Variants in DGKK observed in about 807,000 individuals in gnomAD.
DGKK encodes the protein 142 kDa diacylglycerol kinase.
Under a neutral mutation model 92.2 loss-of-function variants are expected in DGKK, and 35 were observed. That is an observed-to-expected ratio of 0.38 (90% CI 0.29 to 0.50). The LOEUF is 0.50. Among genes scored for constraint, DGKK ranks in the 20% least tolerant of loss-of-function variants. The pLI, the probability that DGKK is intolerant of heterozygous loss-of-function variation, is 0.92. For missense variants in DGKK, 910 were observed against 992.2 expected (o/e 0.92, Z 1.11); for synonymous variants, 368 against 360.6 (o/e 1.02, Z -0.23).
At position 50,470,064 on chromosome X, in the gene DGKK, GGGCGAT is replaced by G. The variant is rs201010594; in HGVS notation, c.609_614del (p.Ser204_Pro205del). The G allele has an allele frequency of 0.017, 20,307 of 1,207,561 alleles. 800 individuals are homozygous for G. The African/African-American group carries it at 0.18, about 11-fold the overall frequency. On this transcript the variant is annotated inframe_deletion, in exon 1 of 28. Coordinates refer to ENST00000611977, the MANE Select transcript of DGKK (RefSeq NM_001013742.4). The stretch of plus-strand genomic sequence containing the variant: ...TTCTGGACCACGACATTGGCGTTCT[GGGCGAT>G]GGCGATGGCGATGGCGATGGCGAGG...
At chrX:50,439,102 TG>T (rs1926106033) in intron 1 of DGKK, among the ~76,000 whole-genome samples, 1 of 111,707 alleles carries the variant, frequency 9.0e-6, no homozygotes, top group South Asian at 3.8e-4. Context: ...GAAATTGAAT[TG>T]GGGAAAACAC....
intron 1 of DGKK, among the ~76,000 whole-genome samples, chrX:50,431,341 A>G (rs1464786349): frequency 9.0e-6 from 1 of 111,527 alleles, no homozygotes; most frequent in Non-Finnish European, 1.9e-5. Flanking sequence ...TTTTTGATGC[A>G]TAAGGCTTTG....
At chrX:50,407,580 A>G (rs1410796727) in intron 4 of DGKK, among the ~76,000 whole-genome samples, 2 of 111,313 alleles carry the variant, frequency 1.8e-5, no homozygotes, top group Admixed American at 9.5e-5. Context: ...TCCCCACCCT[A>G]TGGCCACATT....
At chrX:50,431,991 G>T (rs1925901977) in intron 1 of DGKK, among the ~76,000 whole-genome samples, 1 of 111,847 alleles carries the variant, frequency 8.9e-6, no homozygotes, top group African/African-American at 3.3e-5. Context: ...GTGGAGCCAA[G>T]GGCTGCTGCC....
intron 1 of DGKK, among the ~76,000 whole-genome samples, chrX:50,438,609 T>A (rs781797230): frequency 1.6e-4 from 18 of 111,685 alleles, no homozygotes; most frequent in Admixed American, 4.8e-4. Flanking sequence ...ATAATACCAC[T>A]TCACAGAAAC....
intron 4 of DGKK, among the ~76,000 whole-genome samples, chrX:50,412,445 A>G (rs1557228072): frequency 8.9e-6 from 1 of 112,053 alleles, no homozygotes; most frequent in African/African-American, 3.2e-5. Flanking sequence ...TTTTTTGAAC[A>G]CCTTTCCTCT....
rs1923998614 is a variant in DGKK, at chrX:50,367,372, A to G, written c.*1568T>C. On this transcript the variant is annotated 3_prime_UTR_variant, in exon 28 of 28. Coordinates refer to ENST00000611977, the MANE Select transcript of DGKK (RefSeq NM_001013742.4). ...CCTGACTGGGAGAAGGCATTTTTGA[A>G]AAATGTGAATTAGTATTTGGAGCGA... 1 of 111,656 alleles carries G rather than the reference A, an allele frequency of 9.0e-6. No individual in the cohort carries two copies. Among genetic ancestry groups the G allele is most frequent in the South Asian group, 3.8e-4 (1 of 2,612 alleles). 9.2% of individuals were successfully genotyped at this position (111,656 alleles called of 1,213,427 possible).
At chrX:50,405,044 T>TA (rs1427384276) in intron 4 of DGKK, among the ~76,000 whole-genome samples, 1 of 111,514 alleles carries the variant, frequency 9.0e-6, no homozygotes, top group Non-Finnish European at 1.9e-5. Context: ...ATTCATCCAA[T>TA]AATCCATTAA....
chrX:50,371,943 C>G (rs1332760411), intron 25 of DGKK, 109 bp from the exon 26 acceptor site: 3 of 472,999 alleles, frequency 6.3e-6, no homozygotes. Flanking sequence ...CCACAAGGTG[C>G]CAACTTGTAT....
intron 7 of DGKK, 25 bp from the exon 8 acceptor site, chrX:50,401,164 GA>G (rs781893585): frequency 8.1e-6 from 9 of 1,117,287 alleles, no homozygotes; most frequent in South Asian, 3.9e-5. Context: ...GAAGAGCAGA[GA>G]AAAAAAAGGA....
At chrX:50,375,149 T>A in intron 24 of DGKK, 92 bp from the exon 25 acceptor site, 1 of 656,997 alleles carries the variant, frequency 1.5e-6, no homozygotes, top group Non-Finnish European at 2.4e-6. Context: ...CGTGGGAAGG[T>A]AGAAGCAGGC....
Position 50,470,762 on chromosome X carries a change from G to C in DGKK, c.-84C>G, listed in dbSNP as rs1190870416. The C allele has an allele frequency of 3.9e-6, 4 of 1,027,692 alleles. No homozygotes were observed. The African/African-American group carries it at 5.8e-5, about 15-fold the overall frequency. 84.7% of individuals were successfully genotyped at this position (1,027,692 alleles called of 1,213,427 possible). On this transcript the variant is annotated 5_prime_UTR_variant, in exon 1 of 28. Transcript: ENST00000611977. The stretch of plus-strand genomic sequence containing the variant: ...ACCCTCGGGCGCCCCGCCCACTCCA[G>C]TCCGGCAGCCCCTCGCAGGGTGCCA...
At chrX:50,456,793 C>T (rs1265312973) in intron 1 of DGKK, among the ~76,000 whole-genome samples, 1 of 110,814 alleles carries the variant, frequency 9.0e-6, no homozygotes, top group Non-Finnish European at 1.9e-5. Flanking sequence ...ATCTATAATC[C>T]TCTGGGAAGA....
chrX:50,409,441 A>C lies in DGKK; in HGVS notation c.943-5257T>G, dbSNP rs143856153. Reference sequence around the variant, plus strand: ...TAAATTTCTGTTGCTTTCAGCCACAAAATTTGCAGTAATTTGTTACAGCAG... The same window carrying C: ...TAAATTTCTGTTGCTTTCAGCCACACAATTTGCAGTAATTTGTTACAGCAG... On this transcript the variant is annotated intron_variant, in intron 4 of 27. Transcript: ENST00000611977. Among the ~76,000 whole-genome samples, 428 of 112,123 alleles carry C rather than the reference A, an allele frequency of 3.8e-3. 1 individual carries two copies. The highest frequency in any genetic ancestry group is 9.1e-3 in the Middle Eastern group (2 of 219).
chrX:50,384,668 AAAC>A, intron 16 of DGKK, 49 bp downstream of exon 16: 1 of 1,098,853 alleles, frequency 9.1e-7, no homozygotes, highest in Non-Finnish European at 1.3e-6. Flanking sequence ...TTTGGGAGCT[AAAC>A]AACAGTGACG....
intron 1 of DGKK, among the ~76,000 whole-genome samples, chrX:50,435,001 C>T (rs541380124): frequency 8.9e-6 from 1 of 112,413 alleles, no homozygotes; most frequent in East Asian, 2.8e-4. Flanking sequence ...CTACTACACA[C>T]CTAGGCTATA....
intron 25 of DGKK, 27 bp from the exon 26 acceptor site, chrX:50,371,861 T>C: frequency 1.0e-6 from 1 of 1,001,523 alleles, no homozygotes; most frequent in Non-Finnish European, 1.4e-6. Context: ...AAAGAGTAAG[T>C]GTCCAATGCC....
intron 13 of DGKK, among the ~76,000 whole-genome samples, 154 bp from the exon 14 acceptor site, chrX:50,387,807 T>C (rs1248343325): frequency 9.0e-6 from 1 of 111,287 alleles, no homozygotes; most frequent in Non-Finnish European, 1.9e-5. Flanking sequence ...TCTCTCTGCT[T>C]TTTTTTTCCT....
intron 1 of DGKK, among the ~76,000 whole-genome samples, chrX:50,429,321 A>G (rs1569544836): frequency 8.9e-6 from 1 of 111,826 alleles, no homozygotes; most frequent in Non-Finnish European, 1.9e-5. Context: ...TGTACACAAC[A>G]GGTTGAACAC....
Sources: gnomAD v4.1 joint callset for allele counts (sites outside exome capture counted in the v4.1 genomes callset) on GRCh38, gnomAD v4.1.1 for gene constraint, MANE v1.5 for transcripts, NCBI Gene and HGNC (gene_info 2026-07-23, HGNC 2026-07-21) for gene names.